CMTM8: variants seen among roughly 807,000 people sequenced by gnomAD.
The protein encoded by CMTM8 is CKLF like MARVEL transmembrane domain containing 8.
CMTM8 carries 12 observed loss-of-function variants against 18.6 expected under a neutral mutation model. The ratio of observed to expected loss-of-function variants is 0.65; its 90% CI spans 0.41 to 1.05. CMTM8 has a LOEUF of 1.05. Among genes scored for constraint, CMTM8 ranks in the 50% least tolerant of loss-of-function variants. CMTM8 has a pLI of 0.00. For synonymous variants in CMTM8, 87 were observed against 90.6 expected, an observed-to-expected ratio of 0.96 and a Z score of 0.23; for missense variants, 217 against 227.2, an observed-to-expected ratio of 0.95 and a Z score of 0.29.
chr3:32,305,665 CA>C (rs1158412604), intron 1 of CMTM8, among the ~76,000 whole-genome samples: 1 of 152,170 alleles, frequency 6.6e-6, no homozygotes. Flanking sequence ...TGGGACTTAC[CA>C]GATGAGTAGG....
intron 2 of CMTM8, among the ~76,000 whole-genome samples, chr3:32,367,115 C>G (rs983962449): frequency 2.0e-5 from 3 of 152,212 alleles, no homozygotes; most frequent in Non-Finnish European, 4.4e-5. Context: ...AGAGGCATCC[C>G]CCTTCCTCCC....
At position 32,319,076 on chromosome 3, in the gene CMTM8, T is replaced by TATA. The variant is rs1275408606; in HGVS notation, c.148-38297_148-38296insATA. ...TATATACATATATATATATATATAT[T>TATA]TTTTTTTTTTTTTTTTTTTGAGACA... is the stretch of plus-strand genomic sequence containing the variant. On this transcript the variant is annotated intron_variant, in intron 1 of 3. Coordinates refer to ENST00000307526, the MANE Select transcript of CMTM8 (RefSeq NM_178868.5). Among the ~76,000 whole-genome samples the TATA allele has an allele frequency of 7.3e-3, 143 of 19,614 alleles. 1 individual carries two copies. Among genetic ancestry groups the TATA allele is most frequent in the African/African-American group, 0.019 (85 of 4,468 alleles). 12.9% of individuals were successfully genotyped at this position (19,614 alleles called of 152,430 possible). A position where few individuals can be genotyped will look rare whatever the true frequency, so the allele number is the denominator to read the frequency against.
intron 1 of CMTM8, among the ~76,000 whole-genome samples, chr3:32,254,488 ATTTAGAATTCTTAGT>A (rs1316685296): frequency 6.6e-6 from 1 of 152,128 alleles, no homozygotes; most frequent in East Asian, 1.9e-4. Flanking sequence ...TATTGTGATT[ATTTAGAATTCTTAGT>A]TTTCCTTATT....
intron 1 of CMTM8, among the ~76,000 whole-genome samples, chr3:32,319,420 C>T (rs533943253): frequency 3.3e-5 from 5 of 151,972 alleles, no homozygotes; most frequent in African/African-American, 1.2e-4. Flanking sequence ...TTCTCTCCTC[C>T]TCCTCCTCCC....
chr3:32,243,374 T>TA (rs1409568905), intron 1 of CMTM8, among the ~76,000 whole-genome samples: 1 of 151,404 alleles, frequency 6.6e-6, no homozygotes, highest in African/African-American at 2.4e-5. Flanking sequence ...CTACTGAAAA[T>TA]ACAAAAATTA....
chr3:32,356,604 G>A (rs567231015), intron 1 of CMTM8, among the ~76,000 whole-genome samples: 5 of 152,286 alleles, frequency 3.3e-5, no homozygotes, highest in Admixed American at 2.0e-4. Flanking sequence ...GGACTGGGCC[G>A]CTGTTCATTC....
chr3:32,298,438 CTTT>C (rs75095552), intron 1 of CMTM8, among the ~76,000 whole-genome samples: 35 of 139,074 alleles, frequency 2.5e-4, no homozygotes, highest in East Asian at 1.5e-3. Flanking sequence ...ACATACCCCC[CTTT>C]TTTTTTTTTT....
At chr3:32,329,092 A>G (rs897929558) in intron 1 of CMTM8, among the ~76,000 whole-genome samples, 9 of 152,194 alleles carry the variant, frequency 5.9e-5, no homozygotes, top group African/African-American at 1.7e-4. Context: ...TTTTTTTCCA[A>G]TACAGAGTCT....
At chr3:32,318,055 C>CAAAA (rs60403582) in intron 1 of CMTM8, among the ~76,000 whole-genome samples, 134 of 85,432 alleles carry the variant, frequency 1.6e-3, no homozygotes, top group East Asian at 4.1e-3. Context: ...AACTCTGTCT[C>CAAAA]AAAAAAAAAA....
intron 1 of CMTM8, among the ~76,000 whole-genome samples, chr3:32,323,235 C>T (rs1696091846): frequency 1.3e-5 from 2 of 152,248 alleles, no homozygotes; most frequent in African/African-American, 2.4e-5. Context: ...AGGGCCTGTT[C>T]GGGTAGCTTT....
At chr3:32,348,884 G>A (rs976295520) in intron 1 of CMTM8, among the ~76,000 whole-genome samples, 4 of 151,474 alleles carry the variant, frequency 2.6e-5, no homozygotes, top group African/African-American at 4.9e-5. Flanking sequence ...TTTTCTTTTC[G>A]TTGTTTTTAT....
At chr3:32,366,685 C>T (rs537502793) in intron 2 of CMTM8, among the ~76,000 whole-genome samples, 21 of 152,316 alleles carry the variant, frequency 1.4e-4, no homozygotes, top group African/African-American at 5.1e-4. Context: ...ATTTGCGTGA[C>T]TCTATATTCT....
Position 32,239,106 on chromosome 3 carries a change from T to C in CMTM8, c.134T>C (p.Ile45Thr). 1.9e-6 allele frequency: 3 copies of C among 1,599,900 alleles called. No homozygotes were observed. Among genetic ancestry groups the C allele is most frequent in the East Asian group, 4.6e-5 (2 of 43,918 alleles). Residue 45 changes from isoleucine (I) to threonine (T), a missense_variant, in exon 1 of 4, where the codon ATC (isoleucine) becomes ACC (threonine). Transcript: ENST00000307526. Reference protein sequence around the residue: ...EFLRTLPGFLIVAEIVLGLLV... With the variant: ...EFLRTLPGFLTVAEIVLGLLV... ...CTCCGCACCCTGCCCGGCTTCCTCA[T>C]CGTGGCCGAGATCGTGAGTGCCGAC...
intron 1 of CMTM8, among the ~76,000 whole-genome samples, chr3:32,258,408 T>G (rs370752275): frequency 6.6e-6 from 1 of 152,242 alleles, no homozygotes; most frequent in Non-Finnish European, 1.5e-5. Flanking sequence ...TATTCACTTA[T>G]AGACATTTTG....
intron 1 of CMTM8, among the ~76,000 whole-genome samples, chr3:32,316,322 C>T (rs1185986930): frequency 1.3e-5 from 2 of 152,104 alleles, no homozygotes; most frequent in East Asian, 1.9e-4. Context: ...CCACCACACC[C>T]GGCCAATTCC....
Position 32,316,217 on chromosome 3 carries a change from C to T in CMTM8, c.148-41156C>T, listed in dbSNP as rs191392125. 2.0e-3 allele frequency among the ~76,000 whole-genome samples: 302 copies of T among 151,726 alleles called. 1 individual carries two copies. Among genetic ancestry groups the T allele is most frequent in the Non-Finnish European group, 2.5e-3 (172 of 67,918 alleles). Reference sequence around the variant, plus strand: ...TAATTTTTTGTATTTTTAGTAGAGACGGGGTTTCACTGTGTTAGCCAGAAT... The same window carrying T: ...TAATTTTTTGTATTTTTAGTAGAGATGGGGTTTCACTGTGTTAGCCAGAAT... On this transcript the variant is annotated intron_variant, in intron 1 of 3. Transcript: ENST00000307526.
intron 1 of CMTM8, among the ~76,000 whole-genome samples, chr3:32,240,254 A>G (rs988576633): frequency 1.3e-5 from 2 of 152,216 alleles, no homozygotes; most frequent in Non-Finnish European, 2.9e-5. Flanking sequence ...GACCTGCTCT[A>G]TGAAGCCCCT....
At chr3:32,340,045 A>G (rs540093633) in intron 1 of CMTM8, among the ~76,000 whole-genome samples, 1 of 152,352 alleles carries the variant, frequency 6.6e-6, no homozygotes, top group South Asian at 2.1e-4. Context: ...TTGCCCTTCC[A>G]AGTCTTTGTA....
chr3:32,357,326 A>G (rs755119755), intron 1 of CMTM8, 47 bp from the exon 2 acceptor site: 14 of 1,397,582 alleles, frequency 1.0e-5, no homozygotes, highest in Non-Finnish European at 3.9e-6. Context: ...CTTTTTCTTT[A>G]TCTTCTACTG....
Sources: allele counts gnomAD v4.1 joint callset (sites outside exome capture counted in the v4.1 genomes callset), GRCh38; gene constraint gnomAD v4.1.1; transcripts MANE v1.5; gene names NCBI Gene and HGNC (gene_info 2026-07-23, HGNC 2026-07-21).